Variants in SPATS2L observed in about 807,000 individuals in gnomAD.
The protein encoded by SPATS2L is SPATS2-like protein.
SPATS2L carries 30 observed loss-of-function variants against 59.6 expected under a neutral mutation model. The observed-to-expected ratio is 0.50, with a 90% CI of 0.38 to 0.68. The LOEUF is 0.68. SPATS2L is among the 30% of genes least tolerant of loss of function. SPATS2L has a pLI of 0.00. For missense variants in SPATS2L, 615 were observed against 700.0 expected (o/e 0.88, Z 1.37); for synonymous variants, 252 against 263.5 (o/e 0.96, Z 0.42).
At chr2:200,322,011 T>C (rs565096697) in intron 1 of SPATS2L, among the ~76,000 whole-genome samples, 1 of 152,348 alleles carries the variant, frequency 6.6e-6, no homozygotes, top group Non-Finnish European at 1.5e-5. Flanking sequence ...TTTTGAGGCT[T>C]GCAGAATGAA....
chr2:200,404,764 G>A (rs1342584713), intron 3 of SPATS2L, among the ~76,000 whole-genome samples: 1 of 152,150 alleles, frequency 6.6e-6, no homozygotes, highest in Non-Finnish European at 1.5e-5. Flanking sequence ...CTGAACTCAA[G>A]GTACTGGTTC....
chr2:200,338,040 T>C (rs1168989801), intron 2 of SPATS2L, among the ~76,000 whole-genome samples: 4 of 152,222 alleles, frequency 2.6e-5, no homozygotes, highest in Admixed American at 2.0e-4. Flanking sequence ...TTTGTTGTTT[T>C]TTGAGACGGG....
chr2:200,386,842 T>C (rs931651563), intron 2 of SPATS2L, among the ~76,000 whole-genome samples: 2 of 152,052 alleles, frequency 1.3e-5, no homozygotes, highest in African/African-American at 4.8e-5. Context: ...CATCCCCCTC[T>C]CATACACACA....
chr2:200,387,699 G>A (rs2082035335), intron 2 of SPATS2L, among the ~76,000 whole-genome samples: 1 of 152,156 alleles, frequency 6.6e-6, no homozygotes, highest in African/African-American at 2.4e-5. Flanking sequence ...CTCTTTATAA[G>A]AAAAGAAAAG....
chr2:200,385,942 C>T (rs370917041), intron 2 of SPATS2L, among the ~76,000 whole-genome samples: 161 of 152,324 alleles, frequency 1.1e-3, no homozygotes, highest in African/African-American at 3.6e-3. Flanking sequence ...ATCCGCCCAC[C>T]TTGGCCTCCC....
At chr2:200,447,227 T>C (rs2085109292) in intron 8 of SPATS2L, among the ~76,000 whole-genome samples, 1 of 152,234 alleles carries the variant, frequency 6.6e-6, no homozygotes, top group Non-Finnish European at 1.5e-5. Context: ...TTGGGGGTTA[T>C]TCTTTTTCTT....
chr2:200,402,065 T>C (rs2082545714), intron 3 of SPATS2L, among the ~76,000 whole-genome samples: 1 of 152,228 alleles, frequency 6.6e-6, no homozygotes, highest in Non-Finnish European at 1.5e-5. Context: ...TCTAGTTAAA[T>C]GCAAATCAAT....
chr2:200,382,520 C>T (rs747382180), intron 2 of SPATS2L, among the ~76,000 whole-genome samples: 11 of 152,148 alleles, frequency 7.2e-5, no homozygotes, highest in Non-Finnish European at 1.6e-4. Context: ...TCCCGTGGAA[C>T]GGTTTTATTC....
At chr2:200,395,124 G>GTTAGATTAT (rs2082290763) in intron 3 of SPATS2L, among the ~76,000 whole-genome samples, 2 of 152,296 alleles carry the variant, frequency 1.3e-5, no homozygotes, top group South Asian at 4.1e-4. Context: ...AATAGTCACT[G>GTTAGATTAT]TTAGATTATT....
At position 200,389,286 on chromosome 2, in the gene SPATS2L, A is replaced by G; in HGVS notation, c.39+3A>G. 6.3e-7 allele frequency: 1 copy of G among 1,576,394 alleles called. No homozygotes were observed. The highest frequency in any genetic ancestry group is 1.3e-5 in the African/African-American group (1 of 74,414). ...CTCATGTGAATGTCAAGGAAAAGGT[A>G]AGATCAAGTTATACGTTGGCTCACA... On this transcript the variant is annotated splice_donor_region_variant and intron_variant, in intron 3 of 12. Transcript: ENST00000409140.
At chr2:200,416,342 T>G (rs770259993) in intron 4 of SPATS2L, 37 bp from the exon 5 acceptor site, 6 of 1,184,434 alleles carry the variant, frequency 5.1e-6, no homozygotes, top group Non-Finnish European at 6.9e-6. Context: ...TGTTTTATGA[T>G]GTGAATATTT....
chr2:200,340,563 G>A (rs1034580966), intron 2 of SPATS2L, among the ~76,000 whole-genome samples: 6 of 152,096 alleles, frequency 3.9e-5, no homozygotes, highest in South Asian at 2.1e-4. Flanking sequence ...CTTTCAGAGC[G>A]CTCACATGGA....
intron 5 of SPATS2L, 142 bp from the exon 6 acceptor site, chr2:200,419,108 A>G: frequency 4.0e-6 from 3 of 752,224 alleles, no homozygotes; most frequent in Non-Finnish European, 6.3e-6. Context: ...GTGGTTAATA[A>G]AGATGTAAAT....
intron 8 of SPATS2L, among the ~76,000 whole-genome samples, chr2:200,456,821 TAA>T (rs1347165351): frequency 6.6e-6 from 1 of 152,186 alleles, no homozygotes; most frequent in Admixed American, 6.5e-5. Flanking sequence ...GCATGCTCTC[TAA>T]ACCCAGGGAC....
At chr2:200,458,068 G>A (rs1240879432) in intron 8 of SPATS2L, among the ~76,000 whole-genome samples, 1 of 152,186 alleles carries the variant, frequency 6.6e-6, no homozygotes. Flanking sequence ...GATTACCTTT[G>A]AAGGATGCTA....
chr2:200,456,227 G>A (rs1044710646), intron 8 of SPATS2L, among the ~76,000 whole-genome samples: 1 of 152,220 alleles, frequency 6.6e-6, no homozygotes, highest in Non-Finnish European at 1.5e-5. Context: ...TGGGTCCTGA[G>A]TCAGCAGAGA....
chr2:200,417,070 C>T (rs2083093320), intron 5 of SPATS2L, among the ~76,000 whole-genome samples: 2 of 152,162 alleles, frequency 1.3e-5, no homozygotes, highest in African/African-American at 4.8e-5. Context: ...TCGTGAGATG[C>T]GTCTGTGCAT....
chr2:200,434,404 C>T (rs968065429), intron 6 of SPATS2L, among the ~76,000 whole-genome samples: 2 of 151,640 alleles, frequency 1.3e-5, no homozygotes, highest in African/African-American at 2.4e-5. Context: ...AGACAAGGAA[C>T]GATTGGAAAA....
chr2:200,448,437 G>C (rs1334882832), intron 8 of SPATS2L, among the ~76,000 whole-genome samples: 1 of 152,134 alleles, frequency 6.6e-6, no homozygotes, highest in Non-Finnish European at 1.5e-5. Flanking sequence ...ACAAGACACT[G>C]TCTAAACAAC....
Sources: allele counts gnomAD v4.1 joint callset (sites outside exome capture counted in the v4.1 genomes callset), GRCh38; gene constraint gnomAD v4.1.1; transcripts MANE v1.5; gene names NCBI Gene and HGNC (gene_info 2026-07-23, HGNC 2026-07-21).